Variants in NRP1 observed in about 807,000 individuals in gnomAD.
NRP1 encodes the protein neuropilin-1.
In NRP1, 35 loss-of-function variants were observed where a neutral mutation model predicts 106.7. The ratio of observed to expected loss-of-function variants is 0.33; its 90% CI spans 0.25 to 0.43. The LOEUF (loss-of-function observed/expected upper bound fraction) is 0.43, where lower values mean the gene tolerates loss of function less well. Among genes scored for constraint, NRP1 ranks in the 20% least tolerant of loss-of-function variants. The pLI, the probability that NRP1 is intolerant of heterozygous loss-of-function variation, is 1.00. For missense variants in NRP1, 1,024 were observed against 1,170.4 expected, an observed-to-expected ratio of 0.87 and a Z score of 1.83; for synonymous variants, 437 against 417.9, an observed-to-expected ratio of 1.05 and a Z score of -0.56.
intron 2 of NRP1, among the ~76,000 whole-genome samples, chr10:33,305,721 G>T (rs956547747): frequency 1.3e-5 from 2 of 151,418 alleles, no homozygotes; most frequent in African/African-American, 4.9e-5. Context: ...TATGATAACG[G>T]GAACACAATT....
intron 9 of NRP1, chr10:33,213,055 T>C (rs1838440698): frequency 1.7e-6 from 1 of 593,814 alleles, no homozygotes; most frequent in African/African-American, 1.9e-5. Flanking sequence ...AACGACTGAG[T>C]GGTATCTGCA....
chr10:33,245,581 T>G (rs1177658540), intron 6 of NRP1, among the ~76,000 whole-genome samples: 2 of 152,196 alleles, frequency 1.3e-5, no homozygotes, highest in African/African-American at 4.8e-5. Context: ...TGCTTGGTCT[T>G]CAGGACACCA....
intron 2 of NRP1, among the ~76,000 whole-genome samples, chr10:33,310,529 G>A (rs896075803): frequency 2.0e-5 from 3 of 152,134 alleles, no homozygotes; most frequent in African/African-American, 7.2e-5. Flanking sequence ...AGGATTACAG[G>A]AGTGAGCCAC....
intron 6 of NRP1, among the ~76,000 whole-genome samples, chr10:33,246,988 C>G (rs1248693659): frequency 6.6e-6 from 1 of 152,150 alleles, no homozygotes; most frequent in Admixed American, 6.5e-5. Flanking sequence ...ACAGGCGATA[C>G]CTCTTCCACG....
At chr10:33,320,312 TAAA>T (rs777487586) in intron 2 of NRP1, among the ~76,000 whole-genome samples, 5 of 126,284 alleles carry the variant, frequency 4.0e-5, no homozygotes, top group Admixed American at 8.0e-5. Context: ...ACTCCGTCTT[TAAA>T]AAAAAAAAAA....
chr10:33,195,818 A>C (rs1836741573), intron 12 of NRP1, among the ~76,000 whole-genome samples: 1 of 152,208 alleles, frequency 6.6e-6, no homozygotes, highest in African/African-American at 2.4e-5. Context: ...CAGGAAAGCA[A>C]GTCAATTTGA....
chr10:33,310,601 G>A (rs922231335), intron 2 of NRP1, among the ~76,000 whole-genome samples: 1 of 152,100 alleles, frequency 6.6e-6, no homozygotes, highest in African/African-American at 2.4e-5. Flanking sequence ...CGGACCCAAA[G>A]ATGGAAACAT....
Position 33,277,404 on chromosome 10 carries a change from G to A in NRP1, c.249-6548C>T, listed in dbSNP as rs188643652. ...GGTTGGCTCCTGGAGGGGGCTGCAC[G>A]GTAGCTCTAATTTTGTTTCCTTTCT... On this transcript the variant is annotated intron_variant, in intron 2 of 16. Coordinates refer to ENST00000374867, the MANE Select transcript of NRP1 (RefSeq NM_003873.7). 2.0e-5 allele frequency among the ~76,000 whole-genome samples: 3 copies of A among 152,326 alleles called. No individual in the cohort carries two copies. The East Asian group carries it at 5.8e-4, about 29-fold the overall frequency.
chr10:33,313,987 C>T (rs1298712616), intron 2 of NRP1, among the ~76,000 whole-genome samples: 1 of 149,472 alleles, frequency 6.7e-6, no homozygotes, highest in Non-Finnish European at 1.5e-5. Context: ...CTCTCTTTCC[C>T]TCCCTCCCTC....
intron 12 of NRP1, 91 bp downstream of exon 12, chr10:33,197,559 A>T: frequency 1.0e-6 from 1 of 979,446 alleles, no homozygotes; most frequent in Non-Finnish European, 1.5e-6. Context: ...CTCTCCTTCT[A>T]GGACTTTCAG....
At chr10:33,312,623 T>C (rs1349108217) in intron 2 of NRP1, among the ~76,000 whole-genome samples, 1 of 152,230 alleles carries the variant, frequency 6.6e-6, no homozygotes, top group Non-Finnish European at 1.5e-5. Context: ...CCATCTTATC[T>C]CCTGTTGATA....
chr10:33,240,662 G>A (rs116820137), intron 6 of NRP1, among the ~76,000 whole-genome samples: 2,156 of 152,226 alleles, frequency 0.014, 59 homozygotes, highest in African/African-American at 0.049. Context: ...GGTAATGAGA[G>A]TTTCCTGTGC....
intron 6 of NRP1, among the ~76,000 whole-genome samples, chr10:33,229,274 A>G (rs1839918620): frequency 6.6e-6 from 1 of 152,242 alleles, no homozygotes; most frequent in African/African-American, 2.4e-5. Context: ...AAGTTGCTGC[A>G]GAAACTCTCT....
chr10:33,213,905 G>A lies in NRP1; in HGVS notation c.1283-188C>T, dbSNP rs61760418. 3,123 of 568,062 alleles carry A rather than the reference G, an allele frequency of 5.5e-3. 68 individuals are homozygous for A. The highest frequency in any genetic ancestry group is 0.048 in the African/African-American group (2,554 of 53,128). The allele number at this position is 568,062 out of a possible 1,614,324, so 35.2% of individuals were successfully genotyped here. ...TTCCTCCTGCTCTGTCAGAATTCCC[G>A]TCTCTAAACTCACATCCCAGTAAGG... On this transcript the variant is annotated intron_variant, in intron 8 of 16. Coordinates refer to ENST00000374867, the MANE Select transcript of NRP1 (RefSeq NM_003873.7).
chr10:33,230,556 T>C (rs1194943469), intron 6 of NRP1, among the ~76,000 whole-genome samples: 1 of 151,856 alleles, frequency 6.6e-6, no homozygotes, highest in Non-Finnish European at 1.5e-5. Flanking sequence ...CATAAACACA[T>C]CTTACTAAAA....
In NRP1 at chr10:33,208,484, C is replaced by A. The variant is rs1838002445; in HGVS notation, c.1615-768G>T. Among the ~76,000 whole-genome samples, 4 of 152,156 alleles carry A rather than the reference C, an allele frequency of 2.6e-5. No individual in the cohort carries two copies. The South Asian group carries it at 8.3e-4, about 32-fold the overall frequency. ...TCACATGCACGGGAAGATCAAAATCCTTGGTGGAATTCTGAGAAGATGGAG... is the reference window on the plus strand; with the variant it reads ...TCACATGCACGGGAAGATCAAAATCATTGGTGGAATTCTGAGAAGATGGAG... On this transcript the variant is annotated intron_variant, in intron 9 of 16. Coordinates refer to ENST00000374867, the MANE Select transcript of NRP1 (RefSeq NM_003873.7).
intron 2 of NRP1, among the ~76,000 whole-genome samples, chr10:33,309,701 C>G (rs1846433491): frequency 6.6e-6 from 1 of 152,232 alleles, no homozygotes; most frequent in African/African-American, 2.4e-5. Flanking sequence ...GTCCTTGGAA[C>G]ACCCTCTAAC....
chr10:33,210,084 T>C (rs1447260568), intron 9 of NRP1, among the ~76,000 whole-genome samples: 1 of 152,204 alleles, frequency 6.6e-6, no homozygotes, highest in African/African-American at 2.4e-5. Context: ...AATCAGCAGG[T>C]TTCTGAGTTC....
intron 3 of NRP1, among the ~76,000 whole-genome samples, chr10:33,267,585 C>T (rs1002229378): frequency 1.3e-5 from 2 of 152,054 alleles, no homozygotes; most frequent in African/African-American, 4.8e-5. Context: ...AAATGGCACC[C>T]ACCCCCGTCC....
Sources: gnomAD v4.1 joint callset for allele counts (sites outside exome capture counted in the v4.1 genomes callset) on GRCh38, gnomAD v4.1.1 for gene constraint, MANE v1.5 for transcripts, NCBI Gene and HGNC (gene_info 2026-07-23, HGNC 2026-07-21) for gene names.